Variants in RIMS1 observed in about 807,000 individuals in gnomAD.
RIMS1 encodes regulating synaptic membrane exocytosis protein 1.
In RIMS1, 83 loss-of-function variants were observed where a neutral mutation model predicts 214.1. That is an observed-to-expected ratio of 0.39 (90% CI 0.32 to 0.47). The LOEUF (loss-of-function observed/expected upper bound fraction) is 0.47. Among genes scored for constraint, RIMS1 ranks in the 20% least tolerant of loss-of-function variants. The probability of loss-of-function intolerance (pLI) is 0.99; values close to 1 mark genes in which losing one functional copy is unlikely to be tolerated. For missense variants in RIMS1, 2,050 were observed against 2,161.8 expected (o/e 0.95, Z 1.03); for synonymous variants, 793 against 786.8 (o/e 1.01, Z -0.13).
chr6:71,998,065 A>C (rs1184129172), intron 2 of RIMS1, among the ~76,000 whole-genome samples: 1 of 152,198 alleles, frequency 6.6e-6, no homozygotes, highest in African/African-American at 2.4e-5. Context: ...GGCAAAGATT[A>C]GAGAAGCTTC....
intron 28 of RIMS1, among the ~76,000 whole-genome samples, chr6:72,329,638 G>T (rs1007244409): frequency 6.7e-6 from 1 of 150,034 alleles, no homozygotes; most frequent in Non-Finnish European, 1.5e-5. Context: ...CTTCTGTAGA[G>T]AGTCAAATGA....
At chr6:72,089,799 G>T (rs1030111432) in intron 2 of RIMS1, among the ~76,000 whole-genome samples, 1 of 143,664 alleles carries the variant, frequency 7.0e-6, no homozygotes, top group African/African-American at 2.5e-5. Context: ...ACTGGATTAA[G>T]AAAATGTGGC....
intron 29 of RIMS1, among the ~76,000 whole-genome samples, chr6:72,353,138 C>T (rs1171215259): frequency 6.6e-6 from 1 of 151,688 alleles, no homozygotes; most frequent in African/African-American, 2.4e-5. Context: ...GCACCCACTA[C>T]CACGCTCAGC....
At chr6:72,296,976 T>G (rs953913778) in intron 26 of RIMS1, among the ~76,000 whole-genome samples, 1 of 151,890 alleles carries the variant, frequency 6.6e-6, no homozygotes, top group Non-Finnish European at 1.5e-5. Context: ...AATATATTAT[T>G]TCTCACCCTT....
intron 26 of RIMS1, among the ~76,000 whole-genome samples, chr6:72,304,815 C>T (rs1225838014): frequency 5.3e-5 from 8 of 151,966 alleles, no homozygotes; most frequent in African/African-American, 4.8e-5. Flanking sequence ...CTTTTTGCTA[C>T]GAGTAAATAA....
At chr6:71,944,240 G>A (rs60612352) in intron 1 of RIMS1, among the ~76,000 whole-genome samples, 9,488 of 152,234 alleles carry the variant, frequency 0.062, 427 homozygotes, top group East Asian at 0.24. Context: ...CTACATACAT[G>A]TATGTGATTC....
chr6:71,991,275 C>T (rs1178848437), intron 2 of RIMS1, among the ~76,000 whole-genome samples: 1 of 151,566 alleles, frequency 6.6e-6, no homozygotes, highest in African/African-American at 2.4e-5. Context: ...AAAAAAAAAA[C>T]TTTAGTTTTT....
Position 72,261,649 on chromosome 6 carries a change from GAGAA to G in RIMS1, c.3116+890_3116+893del, listed in dbSNP as rs558438822. The G allele has an allele frequency of 4.9e-3, 4,844 of 985,250 alleles. 26 individuals are homozygous for G. Among genetic ancestry groups the G allele is most frequent in the Non-Finnish European group, 5.0e-3 (4,179 of 829,832 alleles). The allele number at this position is 985,250 out of a possible 1,614,324, so 61.0% of individuals were successfully genotyped here. On this transcript the variant is annotated intron_variant, in intron 19 of 33. Transcript: ENST00000521978. ...TTAGCCAATAAAAAGCAAGAGGAAA[GAGAA>G]AGAAAGAGGTATTACCGCAGTACTT... is the stretch of plus-strand genomic sequence containing the variant.
chr6:71,921,709 A>C (rs1174637724), intron 1 of RIMS1, among the ~76,000 whole-genome samples: 1 of 152,232 alleles, frequency 6.6e-6, no homozygotes, highest in Non-Finnish European at 1.5e-5. Context: ...AACTTTGTAT[A>C]TATAGCATAC....
At chr6:71,938,672 C>T (rs72653125) in intron 1 of RIMS1, among the ~76,000 whole-genome samples, 9,028 of 152,138 alleles carry the variant, frequency 0.059, 416 homozygotes, top group East Asian at 0.24. Context: ...ATGGTGGGTA[C>T]GCTGGGCCCA....
At chr6:72,310,810 A>G (rs1325987507) in intron 27 of RIMS1, among the ~76,000 whole-genome samples, 2 of 152,200 alleles carry the variant, frequency 1.3e-5, no homozygotes, top group Non-Finnish European at 2.9e-5. Flanking sequence ...AAAAGTGAAT[A>G]TAAAAGTATT....
At chr6:72,261,936 A>G in intron 19 of RIMS1, 1 of 984,674 alleles carries the variant, frequency 1.0e-6, no homozygotes, top group Non-Finnish European at 1.2e-6. Context: ...TGAACTATCC[A>G]GGTTTATTAT....
chr6:72,074,839 A>G (rs1831410317), intron 2 of RIMS1, among the ~76,000 whole-genome samples: 1 of 152,228 alleles, frequency 6.6e-6, no homozygotes, highest in Non-Finnish European at 1.5e-5. Context: ...TTCTGGGTGT[A>G]ATTAACATAA....
At chr6:72,249,691 G>C (rs2072175999) in intron 12 of RIMS1, among the ~76,000 whole-genome samples, 1 of 152,062 alleles carries the variant, frequency 6.6e-6, no homozygotes, top group Non-Finnish European at 1.5e-5. Context: ...AGAATTGTTG[G>C]TTCCAGCAGT....
At chr6:72,291,857 A>G (rs1486877220) in intron 25 of RIMS1, 77 bp from the exon 26 acceptor site, 3 of 1,069,402 alleles carry the variant, frequency 2.8e-6, no homozygotes, top group Non-Finnish European at 2.8e-6. Context: ...TTTAATCGTA[A>G]CAGAAAGGAG....
intron 23 of RIMS1, among the ~76,000 whole-genome samples, chr6:72,280,086 G>A (rs993850701): frequency 2.6e-5 from 4 of 151,428 alleles, no homozygotes; most frequent in South Asian, 4.2e-4. Context: ...AGATTTTATA[G>A]CCCTAGTTAG....
intron 4 of RIMS1, among the ~76,000 whole-genome samples, chr6:72,112,251 G>T (rs987083470): frequency 2.0e-5 from 3 of 151,918 alleles, no homozygotes; most frequent in Non-Finnish European, 1.5e-5. Context: ...CGCCAAACTG[G>T]TCCAAGACAC....
At chr6:71,959,648 A>C (rs1000693564) in intron 1 of RIMS1, among the ~76,000 whole-genome samples, 1 of 151,636 alleles carries the variant, frequency 6.6e-6, no homozygotes, top group Non-Finnish European at 1.5e-5. Context: ...TCTGATAACT[A>C]TCTCTTACTG....
intron 29 of RIMS1, among the ~76,000 whole-genome samples, chr6:72,343,403 C>G (rs1360059574): frequency 6.7e-6 from 1 of 149,162 alleles, no homozygotes; most frequent in Non-Finnish European, 1.5e-5. Context: ...AAAATTGAAG[C>G]TCTGCTCTTT....
Sources: allele counts gnomAD v4.1 joint callset (sites outside exome capture counted in the v4.1 genomes callset), GRCh38; gene constraint gnomAD v4.1.1; transcripts MANE v1.5; gene names NCBI Gene and HGNC (gene_info 2026-07-23, HGNC 2026-07-21).